Variants in SEMA5A observed in about 807,000 individuals in gnomAD.
The protein encoded by SEMA5A is semaphorin-5A.
In SEMA5A, 55 loss-of-function variants were observed where a neutral mutation model predicts 135.5. That is an observed-to-expected ratio of 0.41 (90% CI 0.33 to 0.51). The LOEUF (loss-of-function observed/expected upper bound fraction) is 0.51, where lower values mean the gene tolerates loss of function less well. Ranked by LOEUF, SEMA5A falls within the 20% of genes least tolerant of loss-of-function variation. The pLI is 0.37. For missense variants in SEMA5A, 1,290 were observed against 1,419.9 expected (o/e 0.91, Z 1.47); for synonymous variants, 580 against 546.5 (o/e 1.06, Z -0.85).
In SEMA5A at chr5:9,041,980, A is replaced by G. The variant is rs922289770; in HGVS notation, c.*917T>C. On this transcript the variant is annotated 3_prime_UTR_variant, in exon 23 of 23. Coordinates refer to ENST00000382496, the MANE Select transcript of SEMA5A (RefSeq NM_003966.3). ...ATACTTTCACTAATTGACATCATAA[A>G]TGTTCAAGATTTTTCTTTGCAGGGA... 2.6e-5 allele frequency: 4 copies of G among 152,476 alleles called. No individual in the cohort carries two copies. The highest frequency in any genetic ancestry group is 5.9e-5 in the Non-Finnish European group (4 of 68,030). 9.4% of individuals were successfully genotyped at this position (152,476 alleles called of 1,614,324 possible).
chr5:9,330,837 C>A (rs1401245533), intron 4 of SEMA5A, among the ~76,000 whole-genome samples: 3 of 152,138 alleles, frequency 2.0e-5, no homozygotes, highest in Non-Finnish European at 4.4e-5. Flanking sequence ...AACCTTTAAA[C>A]CCTAAAGTGG....
intron 11 of SEMA5A, among the ~76,000 whole-genome samples, chr5:9,169,300 C>A (rs1743784110): frequency 6.6e-6 from 1 of 152,176 alleles, no homozygotes; most frequent in Non-Finnish European, 1.5e-5. Flanking sequence ...AATATATACA[C>A]TTTGTATTTT....
chr5:9,036,455 CTCTA>C lies in SEMA5A; in HGVS notation c.*6438_*6441del, dbSNP rs534022926. Reference sequence around the variant, plus strand: ...TGTCACCAGCCTGTGTCTGATTTTCCTCTATCTATGGACTTGCCTGAAGAGAAAC... The same window carrying C: ...TGTCACCAGCCTGTGTCTGATTTTCCTCTATGGACTTGCCTGAAGAGAAAC... On this transcript the variant is annotated 3_prime_UTR_variant, in exon 23 of 23. Coordinates refer to ENST00000382496, the MANE Select transcript of SEMA5A (RefSeq NM_003966.3). The C allele has an allele frequency of 6.6e-6, 1 of 152,146 alleles. No homozygotes were observed. Among genetic ancestry groups the C allele is most frequent in the Non-Finnish European group, 1.5e-5 (1 of 68,026 alleles). 9.4% of individuals were successfully genotyped at this position (152,146 alleles called of 1,614,324 possible). A position where few individuals can be genotyped will look rare whatever the true frequency, so the allele number is the denominator to read the frequency against.
chr5:9,468,424 T>A (rs982743018), intron 1 of SEMA5A, among the ~76,000 whole-genome samples: 1 of 152,158 alleles, frequency 6.6e-6, no homozygotes, highest in African/African-American at 2.4e-5. Flanking sequence ...CTAAAAAGTG[T>A]AGGTTTGCGA....
rs2150359118 is a variant in SEMA5A, at chr5:9,197,157, C to A, written c.1068+11G>T. ...GATGCCAACAGTGCCCCTTTGCCCCCCGAAAATTACCTGGAAGTGGGGGTT... is the reference window on the plus strand; with the variant it reads ...GATGCCAACAGTGCCCCTTTGCCCCACGAAAATTACCTGGAAGTGGGGGTT... On this transcript the variant is annotated intron_variant, in intron 10 of 22. Transcript: ENST00000382496. The A allele has an allele frequency of 4.3e-6, 7 of 1,614,084 alleles. No homozygotes were observed. The highest frequency in any genetic ancestry group is 5.9e-6 in the Non-Finnish European group (7 of 1,179,986).
Position 9,139,874 on chromosome 5 carries a change from C to T in SEMA5A, c.1482-3253G>A, listed in dbSNP as rs192041776. On this transcript the variant is annotated intron_variant, in intron 12 of 22. Transcript: ENST00000382496. The stretch of plus-strand genomic sequence containing the variant: ...AAAGATTATAGAAACATCACTCCCC[C>T]GATTCCTTCTGATTCTTCTAAGGTA... Among the ~76,000 whole-genome samples, 139 of 152,280 alleles carry T rather than the reference C, an allele frequency of 9.1e-4. 2 individuals carry two copies. Among genetic ancestry groups the T allele is most frequent in the South Asian group, 4.2e-4 (2 of 4,808 alleles).
At chr5:9,346,474 C>T (rs1163250566) in intron 3 of SEMA5A, among the ~76,000 whole-genome samples, 5 of 152,192 alleles carry the variant, frequency 3.3e-5, no homozygotes, top group Admixed American at 3.3e-4. Context: ...TATCTGCAGG[C>T]AGCAGAGCTA....
chr5:9,103,816 T>G (rs757714276), intron 16 of SEMA5A, among the ~76,000 whole-genome samples: 1 of 152,226 alleles, frequency 6.6e-6, no homozygotes, highest in Non-Finnish European at 1.5e-5. Context: ...CTTCCTTTCA[T>G]GTGTTGTAAT....
chr5:9,398,538 A>G (rs1231313975), intron 2 of SEMA5A, among the ~76,000 whole-genome samples: 1 of 152,232 alleles, frequency 6.6e-6, no homozygotes, highest in Non-Finnish European at 1.5e-5. Flanking sequence ...CATTGAGAAA[A>G]TAATTTCCTA....
At chr5:9,048,112 A>G (rs759693378) in intron 21 of SEMA5A, among the ~76,000 whole-genome samples, 51 of 152,102 alleles carry the variant, frequency 3.4e-4, no homozygotes, top group Non-Finnish European at 6.5e-4. Context: ...CTTGACCTAC[A>G]CTGTCCTGGA....
At chr5:9,067,713 T>C (rs1737552989) in intron 16 of SEMA5A, among the ~76,000 whole-genome samples, 1 of 152,220 alleles carries the variant, frequency 6.6e-6, no homozygotes, top group Non-Finnish European at 1.5e-5. Flanking sequence ...ATCTACAAAT[T>C]CCTTTGGTTT....
chr5:9,352,094 C>CGGCGG (rs1554023405), intron 3 of SEMA5A, among the ~76,000 whole-genome samples: 2 of 132,252 alleles, frequency 1.5e-5, no homozygotes, highest in Non-Finnish European at 3.3e-5. Context: ...TGTAACAGGT[C>CGGCGG]GGGGGGGTTA....
Position 9,337,129 on chromosome 5 carries a change from C to T in SEMA5A, c.224+584G>A, listed in dbSNP as rs116614632. Among the ~76,000 whole-genome samples the T allele has an allele frequency of 6.4e-3, 972 of 152,244 alleles. 8 individuals are homozygous for T. Among genetic ancestry groups the T allele is most frequent in the African/African-American group, 0.022 (921 of 41,540 alleles). ...TGGGATGCAGATGTTGACCTAGATA[C>T]GGGAACACTCACACCCTTAAGAGAT... On this transcript the variant is annotated intron_variant, in intron 4 of 22. Coordinates refer to ENST00000382496, the MANE Select transcript of SEMA5A (RefSeq NM_003966.3).
rs527552252 is a variant in SEMA5A, at chr5:9,275,370, C to A, written c.271-37480G>T. On this transcript the variant is annotated intron_variant, in intron 5 of 22. Coordinates refer to ENST00000382496, the MANE Select transcript of SEMA5A (RefSeq NM_003966.3). ...CTACCAACCAAAAAAAGTCCGGGAC[C>A]AGATGGACTCCCAGCCTAATTATAC... 5.3e-5 allele frequency among the ~76,000 whole-genome samples: 8 copies of A among 152,168 alleles called. No homozygotes were observed. In the East Asian group the frequency reaches 1.5e-3, roughly 29 times the overall value.
intron 2 of SEMA5A, among the ~76,000 whole-genome samples, chr5:9,407,888 C>T (rs1756948662): frequency 6.6e-6 from 1 of 152,042 alleles, no homozygotes; most frequent in African/African-American, 2.4e-5. Flanking sequence ...ACCATCATCA[C>T]CATCTCTACC....
intron 1 of SEMA5A, among the ~76,000 whole-genome samples, chr5:9,530,060 A>G (rs1323586783): frequency 6.6e-6 from 1 of 152,222 alleles, no homozygotes; most frequent in Non-Finnish European, 1.5e-5. Flanking sequence ...AGAGGCTGGG[A>G]AGCCCCAGGG....
chr5:9,091,525 C>A lies in SEMA5A; in HGVS notation c.2073+16615G>T, dbSNP rs1020793644. 1.8e-4 allele frequency among the ~76,000 whole-genome samples: 28 copies of A among 152,144 alleles called. 1 individual carries two copies. Among genetic ancestry groups the A allele is most frequent in the Admixed American group, 9.8e-4 (15 of 15,276 alleles). On this transcript the variant is annotated intron_variant, in intron 16 of 22. Coordinates refer to ENST00000382496, the MANE Select transcript of SEMA5A (RefSeq NM_003966.3). The stretch of plus-strand genomic sequence containing the variant: ...AGGCACACACATGGAAGTACATCTC[C>A]TTACAAGCACTAGATTTGTGGTTTA...
At position 9,545,495 on chromosome 5, in the gene SEMA5A, C is replaced by T. The variant is rs1472964579; in HGVS notation, c.-175+89G>A. The T allele has an allele frequency of 1.3e-5, 2 of 152,520 alleles. No individual in the cohort carries two copies. The highest frequency in any genetic ancestry group is 1.5e-5 in the Non-Finnish European group (1 of 68,310). The allele number at this position is 152,520 out of a possible 1,614,324, so 9.4% of individuals were successfully genotyped here. A position where few individuals can be genotyped will look rare whatever the true frequency, so the allele number is the denominator to read the frequency against. ...CCACCCACCAGCCGACCGCTGCAGT[C>T]CCCGGGTCCCGGCCAGCGGCGCGGC... On this transcript the variant is annotated intron_variant, in intron 1 of 22. Transcript: ENST00000382496. The surrounding 1 kb of genome is among the most constrained non-coding windows in gnomAD (Gnocchi z 4.5).
At chr5:9,541,676 A>G (rs1738098995) in intron 1 of SEMA5A, among the ~76,000 whole-genome samples, 1 of 151,534 alleles carries the variant, frequency 6.6e-6, no homozygotes, top group Admixed American at 6.6e-5. Flanking sequence ...CTTGTCAAAC[A>G]ACCATTAATC....
Sources: allele counts gnomAD v4.1 joint callset (sites outside exome capture counted in the v4.1 genomes callset), GRCh38; gene constraint gnomAD v4.1.1; non-coding constraint Gnocchi (gnomAD v3.1); transcripts MANE v1.5; gene names NCBI Gene and HGNC (gene_info 2026-07-23, HGNC 2026-07-21).